COL5A2: variants seen among roughly 807,000 people sequenced by gnomAD.
The protein encoded by COL5A2 is collagen type V alpha 2 chain, also known as collagen alpha-2(V) chain.
In COL5A2, 23 loss-of-function variants were observed where a neutral mutation model predicts 208.2. The ratio of observed to expected loss-of-function variants is 0.11; its 90% CI spans 0.08 to 0.16. The LOEUF (loss-of-function observed/expected upper bound fraction) is 0.16. COL5A2 is among the 10% of genes least tolerant of loss of function. COL5A2 has a pLI of 1.00. For missense variants in COL5A2, 1,590 were observed against 1,956.4 expected (o/e 0.81, Z 3.53); for synonymous variants, 625 against 628.5 (o/e 0.99, Z 0.08).
At chr2:189,228,200 C>T (rs1317397273), upstream of COL5A2, among the ~76,000 whole-genome samples, 2 of 150,746 alleles carry the variant, frequency 1.3e-5, no homozygotes, top group Non-Finnish European at 3.0e-5. Flanking sequence ...TAAATGCCTA[C>T]GTTAAAAAAG....
At chr2:189,123,830 G>A (rs6734258) in intron 1 of COL5A2, among the ~76,000 whole-genome samples, 146,624 of 152,244 alleles carry the variant, frequency 0.96, 70,872 homozygotes, top group East Asian at 1. Flanking sequence ...AGAGGCTTGG[G>A]GTCAATCATG....
At chr2:189,326,560 G>A in the COL5A2 span, among the ~76,000 whole-genome samples, 1 of 151,910 alleles carries the variant, frequency 6.6e-6, no homozygotes, top group Non-Finnish European at 1.5e-5. Flanking sequence ...GCATGGTGGT[G>A]TGCGCGCCTG....
chr2:189,419,710 C>T, the COL5A2 span, among the ~76,000 whole-genome samples: 4 of 151,770 alleles, frequency 2.6e-5, no homozygotes, highest in African/African-American at 7.3e-5. Context: ...GCAGGAGGAT[C>T]GCCTGACCCC....
chr2:189,435,992 C>T, the COL5A2 span, among the ~76,000 whole-genome samples: 6 of 152,138 alleles, frequency 3.9e-5, no homozygotes, highest in African/African-American at 1.2e-4. Flanking sequence ...GAATACTATG[C>T]AGCCATAAAA....
In COL5A2 at chr2:189,179,760, G is replaced by T; in HGVS notation, c.-156C>A. 1 of 1,352,880 alleles carries T rather than the reference G, an allele frequency of 7.4e-7. No individual in the cohort carries two copies. The highest frequency in any genetic ancestry group is 1.0e-6 in the Non-Finnish European group (1 of 996,482). 83.8% of individuals were successfully genotyped at this position (1,352,880 alleles called of 1,614,324 possible). On this transcript the variant is annotated 5_prime_UTR_variant, in exon 1 of 54. Coordinates refer to ENST00000374866, the MANE Select transcript of COL5A2 (RefSeq NM_000393.5). ...TTCAGCACCAGCTCCAGCACAGTCT[G>T]CGAAAACTTTTTTCAAGCGATGCAG...
chr2:189,267,007 T>C, the COL5A2 span, among the ~76,000 whole-genome samples: 1 of 151,582 alleles, frequency 6.6e-6, no homozygotes, highest in Non-Finnish European at 1.5e-5. Flanking sequence ...ATTAATAAAA[T>C]GATAAATGAA....
chr2:189,392,120 A>T, the COL5A2 span, among the ~76,000 whole-genome samples: 2 of 152,160 alleles, frequency 1.3e-5, no homozygotes, highest in African/African-American at 2.4e-5. Context: ...GCATTTTTAC[A>T]TTTATGTATC....
the COL5A2 span, among the ~76,000 whole-genome samples, chr2:189,342,793 A>G: frequency 6.6e-6 from 1 of 152,058 alleles, no homozygotes; most frequent in Non-Finnish European, 1.5e-5. Flanking sequence ...TAAGGACTTT[A>G]GTGCTAGTAC....
intron 35 of COL5A2, among the ~76,000 whole-genome samples, chr2:189,054,690 C>CTTT (rs58380313): frequency 1.7e-4 from 19 of 113,540 alleles, no homozygotes; most frequent in Non-Finnish European, 2.5e-4. Context: ...GTGTTTTTTC[C>CTTT]TTTTTTTTTT....
At chr2:189,185,718 C>T (rs1000751209) in intron 1 of COL5A2, among the ~76,000 whole-genome samples, 2 of 152,152 alleles carry the variant, frequency 1.3e-5, no homozygotes, top group African/African-American at 4.8e-5. Flanking sequence ...CATATTGAAA[C>T]CTTCCTGAGA....
the COL5A2 span, among the ~76,000 whole-genome samples, chr2:189,276,964 A>C: frequency 6.6e-6 from 1 of 152,152 alleles, no homozygotes; most frequent in African/African-American, 2.4e-5. Flanking sequence ...TATTTTATGA[A>C]TGCTCATCAC....
intron 1 of COL5A2, among the ~76,000 whole-genome samples, chr2:189,177,014 C>T (rs892995390): frequency 6.6e-6 from 1 of 152,110 alleles, no homozygotes; most frequent in African/African-American, 2.4e-5. Flanking sequence ...ATGTTTCTAT[C>T]AGGCAGGCAT....
At chr2:189,050,721 A>G in intron 42 of COL5A2, 45 bp from the exon 43 acceptor site, 1 of 1,469,224 alleles carries the variant, frequency 6.8e-7, no homozygotes, top group Non-Finnish European at 9.3e-7. Flanking sequence ...CCAGGGTAAA[A>G]CTGTACCCAA....
At chr2:189,435,702 AG>A in the COL5A2 span, among the ~76,000 whole-genome samples, 1 of 152,242 alleles carries the variant, frequency 6.6e-6, no homozygotes, top group African/African-American at 2.4e-5. Flanking sequence ...GATGTGGAGA[AG>A]TAGGAACACT....
intron 1 of COL5A2, among the ~76,000 whole-genome samples, chr2:189,191,918 C>T (rs1050929232): frequency 1.3e-5 from 2 of 151,766 alleles, no homozygotes; most frequent in African/African-American, 4.8e-5. Flanking sequence ...ACTTCTACTA[C>T]TCTGCATGGT....
intron 7 of COL5A2, among the ~76,000 whole-genome samples, chr2:189,089,524 A>C (rs1686737285): frequency 6.6e-6 from 1 of 152,168 alleles, no homozygotes; most frequent in African/African-American, 2.4e-5. Context: ...AATCATATTC[A>C]GGCTTCATAT....
rs920145938 is a variant in COL5A2 at position 189,100,024 on chromosome 2, T to C, written c.369+83A>G. 9 of 1,174,936 alleles carry C rather than the reference T, an allele frequency of 7.7e-6. No homozygotes were observed. In the African/African-American group the frequency reaches 1.1e-4, roughly 14 times the overall value. The allele number at this position is 1,174,936 out of a possible 1,614,324, so 72.8% of individuals were successfully genotyped here. On this transcript the variant is annotated intron_variant, in intron 4 of 53. Transcript: ENST00000374866. ...AATAACTAATTTATTTTTGAAAGTA[T>C]GTACATAAGCAATAATATACAATTA...
chr2:189,399,840 G>A, the COL5A2 span, among the ~76,000 whole-genome samples: 1 of 151,904 alleles, frequency 6.6e-6, no homozygotes. Flanking sequence ...GCTAAGACTA[G>A]AGATACATGC....
At chr2:189,081,898 A>G (rs1686542836) in intron 12 of COL5A2, among the ~76,000 whole-genome samples, 1 of 152,204 alleles carries the variant, frequency 6.6e-6, no homozygotes. Context: ...TTTACTTATT[A>G]TTATGGCCTA....
Sources: allele counts gnomAD v4.1 joint callset (sites outside exome capture counted in the v4.1 genomes callset), GRCh38; gene constraint gnomAD v4.1.1; transcripts MANE v1.5; gene names NCBI Gene and HGNC (gene_info 2026-07-23, HGNC 2026-07-21).